SYT7: variants seen among roughly 807,000 people sequenced by gnomAD.
SYT7 encodes the protein synaptotagmin 7, also known as synaptotagmin-7.
A neutral mutation model predicts 75.1 loss-of-function variants in SYT7; 29 were observed. That is an observed-to-expected ratio of 0.39 (90% CI 0.29 to 0.53). The LOEUF (loss-of-function observed/expected upper bound fraction) is 0.53. Among genes scored for constraint, SYT7 ranks in the 20% least tolerant of loss-of-function variants. The pLI is 0.77. For synonymous variants in SYT7, 376 were observed against 401.7 expected (o/e 0.94, Z 0.76); for missense variants, 693 against 953.2 (o/e 0.73, Z 3.59).
At chr11:61,565,966 G>A (rs1013938481) in intron 1 of SYT7, among the ~76,000 whole-genome samples, 2 of 152,272 alleles carry the variant, frequency 1.3e-5, no homozygotes, top group African/African-American at 2.4e-5. Flanking sequence ...TGCCAAGTGA[G>A]TAAACAGTGA....
In SYT7 at chr11:61,524,716, C is replaced by T; in HGVS notation, c.1472-184G>A. ...AAGTGCTAGCAAGAACTGTCACCGT[C>T]TCATGGGATTCCCTCAACAATTCTC... On this transcript the variant is annotated intron_variant, in intron 9 of 12. Transcript: ENST00000539008. The surrounding 1 kb of genome is among the most constrained non-coding windows in gnomAD (Gnocchi z 4.1). 1.8e-6 allele frequency: 1 copy of T among 553,744 alleles called. No individual in the cohort carries two copies. The highest frequency in any genetic ancestry group is 3.1e-6 in the Non-Finnish European group (1 of 318,426). The allele number at this position is 553,744 out of a possible 1,614,324, so 34.3% of individuals were successfully genotyped here.
chr11:61,566,543 C>T (rs1020853107), intron 1 of SYT7, among the ~76,000 whole-genome samples: 4 of 152,212 alleles, frequency 2.6e-5, no homozygotes, highest in African/African-American at 9.6e-5. Context: ...ACACACTCCC[C>T]ACCCACCTTG....
chr11:61,541,282 G>C, intron 6 of SYT7: 2 of 985,536 alleles, frequency 2.0e-6, no homozygotes, highest in Non-Finnish European at 2.4e-6. Flanking sequence ...TGGGCGATGG[G>C]AACAATCCCC....
chr11:61,520,659 C>A (rs2062297370), intron 12 of SYT7, among the ~76,000 whole-genome samples: 1 of 152,224 alleles, frequency 6.6e-6, no homozygotes, highest in Middle Eastern at 3.4e-3. Flanking sequence ...CCCATCTCTA[C>A]TAAAAATACA....
At chr11:61,572,532 G>A (rs1047737814) in intron 1 of SYT7, among the ~76,000 whole-genome samples, 1 of 152,270 alleles carries the variant, frequency 6.6e-6, no homozygotes, top group Non-Finnish European at 1.5e-5. Context: ...TGAGTGACCC[G>A]GGCAAGACAC....
At chr11:61,583,454 C>A (rs1590978657), upstream of SYT7, among the ~76,000 whole-genome samples, 1 of 152,204 alleles carries the variant, frequency 6.6e-6, no homozygotes, top group Admixed American at 6.5e-5. Context: ...CCCCAGGCTG[C>A]CCCTTGCAAG....
chr11:61,529,647 T>G (rs1055026700), intron 8 of SYT7, among the ~76,000 whole-genome samples: 1 of 152,184 alleles, frequency 6.6e-6, no homozygotes, highest in African/African-American at 2.4e-5. Flanking sequence ...AGTTTTTTGT[T>G]TTTTTGAGCC....
chr11:61,541,286 A>G (rs2063034772), intron 6 of SYT7: 1 of 985,330 alleles, frequency 1.0e-6, no homozygotes, highest in Non-Finnish European at 1.2e-6. Context: ...CGATGGGAAC[A>G]ATCCCCAGGG....
At position 61,524,050 on chromosome 11, in the gene SYT7, CCT is replaced by C. The variant is rs777177702; in HGVS notation, c.1642-111_1642-110del. 5.8e-5 allele frequency: 58 copies of C among 998,370 alleles called. No individual in the cohort carries two copies. The Admixed American group carries it at 6.4e-4, about 11-fold the overall frequency. 61.8% of individuals were successfully genotyped at this position (998,370 alleles called of 1,614,324 possible). A position where few individuals can be genotyped will look rare whatever the true frequency, so the allele number is the denominator to read the frequency against. On this transcript the variant is annotated intron_variant, in intron 10 of 12. Coordinates refer to ENST00000539008, the MANE Select transcript of SYT7 (RefSeq NM_001365809.2). The surrounding 1 kb of genome is among the most constrained non-coding windows in gnomAD (Gnocchi z 4.1). ...CCTGACCTTGGTGCTTACCCATGCC[CCT>C]GTCTGTCACCTCTGTCTCACTCTGT...
At chr11:61,554,021 C>A (rs1590911630) in intron 2 of SYT7, among the ~76,000 whole-genome samples, 1 of 152,042 alleles carries the variant, frequency 6.6e-6, no homozygotes, top group Admixed American at 6.6e-5. Flanking sequence ...GCATTCTATC[C>A]ACAGCAAGTC....
rs2063208338 is a variant in SYT7, at chr11:61,546,910, G to T, written c.347+267C>A. Among the ~76,000 whole-genome samples, 1 of 152,100 alleles carries T rather than the reference G, an allele frequency of 6.6e-6. No homozygotes were observed. Among genetic ancestry groups the T allele is most frequent in the South Asian group, 2.1e-4 (1 of 4,834 alleles). On this transcript the variant is annotated intron_variant, in intron 4 of 12. Transcript: ENST00000539008. The surrounding 1 kb of genome is among the most constrained non-coding windows in gnomAD (Gnocchi z 7.6). Reference sequence around the variant, plus strand: ...GGTGGGCCCCGGGACCAGCTGGGGGGGCCAGGTATGGCTGCCGAGGGGGCT... The same window carrying T: ...GGTGGGCCCCGGGACCAGCTGGGGGTGCCAGGTATGGCTGCCGAGGGGGCT...
In SYT7 at chr11:61,513,939, GC is replaced by G. The variant is rs757898493; in HGVS notation, c.*4687del. 6.6e-6 allele frequency among the ~76,000 whole-genome samples: 1 copy of G among 152,184 alleles called. No individual in the cohort carries two copies. The highest frequency in any genetic ancestry group is 1.5e-5 in the Non-Finnish European group (1 of 68,046). On this transcript the variant is annotated 3_prime_UTR_variant, in exon 13 of 13. Coordinates refer to ENST00000539008, the MANE Select transcript of SYT7 (RefSeq NM_001365809.2). ...AAGGCTTGTCCTTCTGGTTGTCTTT[GC>G]GTGGGAGGGAGAGGAGCGCAGGACG...
intron 6 of SYT7, 98 bp from the exon 7 acceptor site, chr11:61,538,364 A>C (rs909007332): frequency 1.2e-6 from 1 of 808,456 alleles, no homozygotes; most frequent in African/African-American, 1.7e-5. Context: ...AGAGAGAGAG[A>C]GAGAGAGAGA....
intron 2 of SYT7, among the ~76,000 whole-genome samples, chr11:61,552,368 T>C (rs1276938203): frequency 6.6e-6 from 1 of 151,970 alleles, no homozygotes; most frequent in East Asian, 1.9e-4. Flanking sequence ...ATATGGGCAG[T>C]CGGGGGACAG....
At chr11:61,536,231 G>A (rs2062866597) in intron 7 of SYT7, among the ~76,000 whole-genome samples, 3 of 152,214 alleles carry the variant, frequency 2.0e-5, no homozygotes, top group Admixed American at 2.0e-4. Context: ...GGAAGGCAGG[G>A]GACAAGCTGA....
intron 3 of SYT7, among the ~76,000 whole-genome samples, chr11:61,548,640 G>A (rs1438488522): frequency 6.6e-6 from 1 of 152,172 alleles, no homozygotes. Flanking sequence ...CCAAGGTGGG[G>A]CAGTGTGGGG....
intron 1 of SYT7, among the ~76,000 whole-genome samples, chr11:61,569,870 C>T (rs1272691830): frequency 6.6e-6 from 1 of 152,212 alleles, no homozygotes; most frequent in African/African-American, 2.4e-5. Context: ...AATGTCAGTG[C>T]CCAGCCAGCT....
In SYT7 at chr11:61,524,298, T is replaced by C. The variant is rs1015729137; in HGVS notation, c.1641+65A>G. 17 of 1,587,270 alleles carry C rather than the reference T, an allele frequency of 1.1e-5. No individual in the cohort carries two copies. The highest frequency in any genetic ancestry group is 1.5e-5 in the Non-Finnish European group (17 of 1,165,278). ...GGCCTTCCTAAGGTTGACAAGGGTC[T>C]GGGACCAGATCTCCCAGCCCTGCCC... On this transcript the variant is annotated intron_variant, in intron 10 of 12. Coordinates refer to ENST00000539008, the MANE Select transcript of SYT7 (RefSeq NM_001365809.2). This position sits in a 1 kb window ranked among gnomAD's most constrained non-coding sequence, Gnocchi z 4.1.
chr11:61,531,019 C>T (rs1239332225), intron 8 of SYT7: 1 of 985,454 alleles, frequency 1.0e-6, no homozygotes, highest in African/African-American at 1.7e-5. Flanking sequence ...GACACCTCTG[C>T]CCCTCAGCTC....
Sources: gnomAD v4.1 joint callset for allele counts (sites outside exome capture counted in the v4.1 genomes callset) on GRCh38, gnomAD v4.1.1 for gene constraint, Gnocchi (gnomAD v3.1) non-coding constraint, MANE v1.5 for transcripts, NCBI Gene and HGNC (gene_info 2026-07-23, HGNC 2026-07-21) for gene names.